The following TENM3 variants were observed in gnomAD, a reference collection of about 807,000 sequenced individuals.
TENM3 encodes teneurin transmembrane protein 3, also known as teneurin-3.
A neutral mutation model predicts 255.1 loss-of-function variants in TENM3; 63 were observed. That is an observed-to-expected ratio of 0.25 (90% CI 0.20 to 0.30). The LOEUF (loss-of-function observed/expected upper bound fraction) is 0.30, where lower values mean the gene tolerates loss of function less well. Ranked by LOEUF, TENM3 falls within the 10% of genes least tolerant of loss-of-function variation. The probability of loss-of-function intolerance (pLI) is 1.00; values close to 1 mark genes in which losing one functional copy is unlikely to be tolerated. For missense variants in TENM3, 2,929 were observed against 3,461.1 expected, an observed-to-expected ratio of 0.85 and a Z score of 3.86; for synonymous variants, 1,306 against 1,322.3, an observed-to-expected ratio of 0.99 and a Z score of 0.27.
chr4:182,331,778 A>T (rs1763772005), intron 2 of TENM3, among the ~76,000 whole-genome samples: 1 of 152,224 alleles, frequency 6.6e-6, no homozygotes, highest in African/African-American at 2.4e-5. Flanking sequence ...CCACTGGGTA[A>T]GTGATGAAAG....
intron 3 of TENM3, among the ~76,000 whole-genome samples, chr4:182,537,646 GTTT>G (rs1283506116): frequency 6.6e-6 from 1 of 151,976 alleles, no homozygotes; most frequent in Non-Finnish European, 1.5e-5. Flanking sequence ...TTTTTCAAAA[GTTT>G]TCTATGACAC....
chr4:181,616,024 G>A, the TENM3 span, among the ~76,000 whole-genome samples: 7 of 151,608 alleles, frequency 4.6e-5, no homozygotes, highest in South Asian at 1.5e-3. Context: ...CTTGATTTTG[G>A]TTGAGAGAGA....
intron 22 of TENM3, among the ~76,000 whole-genome samples, chr4:182,766,026 T>A (rs911091559): frequency 2.0e-5 from 3 of 152,210 alleles, no homozygotes; most frequent in Admixed American, 2.0e-4. Flanking sequence ...AATTTTCTCT[T>A]TCCAAATGTG....
intron 3 of TENM3, among the ~76,000 whole-genome samples, chr4:182,406,221 C>T (rs1030669512): frequency 4.6e-5 from 7 of 152,036 alleles, no homozygotes; most frequent in Non-Finnish European, 1.5e-5. Context: ...AGGAGAATTG[C>T]TTGAACCTGG....
chr4:182,435,590 C>T (rs538097891), intron 3 of TENM3, among the ~76,000 whole-genome samples: 14 of 152,302 alleles, frequency 9.2e-5, no homozygotes, highest in Non-Finnish European at 1.8e-4. Context: ...GGTGAACAGG[C>T]AACTGCTTGC....
At chr4:181,926,393 A>G in the TENM3 span, among the ~76,000 whole-genome samples, 13 of 152,338 alleles carry the variant, frequency 8.5e-5, no homozygotes, top group African/African-American at 3.1e-4. Flanking sequence ...CTAAAGTAAC[A>G]TAAAACTATG....
chr4:181,578,197 G>A, the TENM3 span, among the ~76,000 whole-genome samples: 1 of 151,360 alleles, frequency 6.6e-6, no homozygotes, highest in South Asian at 2.1e-4. Context: ...GCCTTTCTCT[G>A]GGGATTGAGC....
chr4:182,211,860 G>T (rs1166941338), intron 1 of TENM3, among the ~76,000 whole-genome samples: 5 of 152,076 alleles, frequency 3.3e-5, no homozygotes, highest in African/African-American at 9.6e-5. Context: ...CTTAATCCTT[G>T]CAGGGCCTCA....
At chr4:182,194,161 C>T (rs1753697955) in intron 1 of TENM3, among the ~76,000 whole-genome samples, 1 of 152,150 alleles carries the variant, frequency 6.6e-6, no homozygotes, top group Non-Finnish European at 1.5e-5. Flanking sequence ...TCACCAGTTT[C>T]AAGACTTTGA....
At chr4:182,066,783 C>CGT in the TENM3 span, among the ~76,000 whole-genome samples, 1 of 151,826 alleles carries the variant, frequency 6.6e-6, no homozygotes, top group Non-Finnish European at 1.5e-5. Context: ...TGGTGGCAGG[C>CGT]GCCTGTAGTC....
chr4:181,723,876 G>A, the TENM3 span, among the ~76,000 whole-genome samples: 35 of 152,260 alleles, frequency 2.3e-4, 1 homozygote, highest in African/African-American at 8.2e-4. Flanking sequence ...TTTTTTATTA[G>A]CAAACTTTAG....
At chr4:182,707,104 T>C (rs1197668702) in intron 12 of TENM3, among the ~76,000 whole-genome samples, 4 of 152,202 alleles carry the variant, frequency 2.6e-5, no homozygotes, top group Admixed American at 6.5e-5. Context: ...TCTAGTATTT[T>C]CATGGCATCT....
the TENM3 span, among the ~76,000 whole-genome samples, chr4:181,568,160 T>C: frequency 4.8e-5 from 7 of 145,800 alleles, no homozygotes; most frequent in Admixed American, 2.1e-4. Context: ...TGCCAACTAA[T>C]ACTTTTTTTT....
intron 3 of TENM3, among the ~76,000 whole-genome samples, chr4:182,551,946 A>T (rs1432179808): frequency 1.3e-5 from 2 of 150,442 alleles, no homozygotes; most frequent in African/African-American, 4.9e-5. Context: ...TGAGCCTGGG[A>T]GGTTGAGGCT....
chr4:182,232,361 G>C (rs1756635398), intron 1 of TENM3, among the ~76,000 whole-genome samples: 1 of 152,148 alleles, frequency 6.6e-6, no homozygotes, highest in African/African-American at 2.4e-5. Context: ...AGATATATGG[G>C]AACTTTAGCA....
At chr4:182,050,965 G>A in the TENM3 span, among the ~76,000 whole-genome samples, 1 of 152,188 alleles carries the variant, frequency 6.6e-6, no homozygotes. Flanking sequence ...CCCACATTCT[G>A]TTGAGTCCTC....
At chr4:182,002,989 A>AGAT in the TENM3 span, among the ~76,000 whole-genome samples, 1 of 152,212 alleles carries the variant, frequency 6.6e-6, no homozygotes, top group African/African-American at 2.4e-5. Flanking sequence ...AACTGTCACC[A>AGAT]GATCAACTGA....
At chr4:181,605,588 A>AGAGAGAAAGAAAG in the TENM3 span, among the ~76,000 whole-genome samples, 1 of 37,552 alleles carries the variant, frequency 2.7e-5, no homozygotes, top group Admixed American at 2.7e-4. Flanking sequence ...AAGAAAGGAA[A>AGAGAGAAAGAAAG]GAAAGAAAGA....
chr4:181,982,343 T>G, the TENM3 span, among the ~76,000 whole-genome samples: 1 of 152,048 alleles, frequency 6.6e-6, no homozygotes, highest in African/African-American at 2.4e-5. Flanking sequence ...TTGTCTTCAA[T>G]AGGAAAAAAG....
Sources: allele counts gnomAD v4.1 joint callset (sites outside exome capture counted in the v4.1 genomes callset), GRCh38; gene constraint gnomAD v4.1.1; transcripts MANE v1.5; gene names NCBI Gene and HGNC (gene_info 2026-07-23, HGNC 2026-07-21).